Variants in CHN2 observed in about 807,000 individuals in gnomAD.
CHN2 encodes chimerin 2.
Under a neutral mutation model 56.3 loss-of-function variants are expected in CHN2, and 35 were observed. The observed-to-expected ratio is 0.62, with a 90% CI of 0.47 to 0.82. CHN2 has a LOEUF of 0.82. CHN2 is among the 40% of genes least tolerant of loss of function. CHN2 has a pLI of 0.00. For synonymous variants in CHN2, 210 were observed against 212.8 expected (o/e 0.99, Z 0.12); for missense variants, 491 against 580.5 (o/e 0.85, Z 1.58).
Position 29,400,677 on chromosome 7 carries a change from A to T in CHN2, c.425A>T (p.Glu142Val), listed in dbSNP as rs762930046. ...CTGTACATAGAAACAAAAGCTGCCG[A>T]GTACATTTCAAAAATGACAACTAAC... is the stretch of plus-strand genomic sequence containing the variant. ...ITLYIETKAA[E>V]YISKMTTNPI... The change falls in exon 6 of 13, where the codon GAG (glutamate) becomes GTG (valine). Residue 142 changes from glutamate (E) to valine (V), a missense_variant. Transcript: ENST00000222792. 3.7e-6 allele frequency: 6 copies of T among 1,614,214 alleles called. No individual in the cohort carries two copies. The highest frequency in any genetic ancestry group is 5.1e-6 in the Non-Finnish European group (6 of 1,180,038).
intron 1 of CHN2, among the ~76,000 whole-genome samples, chr7:29,348,406 C>T (rs1054784282): frequency 5.9e-5 from 9 of 152,104 alleles, no homozygotes; most frequent in African/African-American, 2.2e-4. Flanking sequence ...TTAACATGTT[C>T]AGATTCTTTA....
At chr7:29,326,495 C>T (rs1441937246) in intron 1 of CHN2, among the ~76,000 whole-genome samples, 1 of 152,188 alleles carries the variant, frequency 6.6e-6, no homozygotes, top group African/African-American at 2.4e-5. Context: ...CCATGGAAGC[C>T]TGGGTAGAGG....
chr7:29,170,768 T>C lies in CHN2; in HGVS notation c.274+23808T>C, dbSNP rs184047770. Among the ~76,000 whole-genome samples, 10 of 152,326 alleles carry C rather than the reference T, an allele frequency of 6.6e-5. No individual in the cohort carries two copies. In the East Asian group the frequency reaches 1.9e-3, roughly 29 times the overall value. On this transcript the variant is annotated intron_variant, in intron 2 of 6. Transcript: ENST00000439384. ...GAAAGAGGTTTAATTGGACTTATAGTTCCATATGGCTGGTGGGGGGGCCTC... is the reference window on the plus strand; with the variant it reads ...GAAAGAGGTTTAATTGGACTTATAGCTCCATATGGCTGGTGGGGGGGCCTC...
chr7:29,370,261 C>T (rs1799502979), intron 3 of CHN2, among the ~76,000 whole-genome samples: 1 of 152,126 alleles, frequency 6.6e-6, no homozygotes, highest in African/African-American at 2.4e-5. Context: ...AACAGTTTTC[C>T]CCTACTACAG....
At chr7:29,471,863 G>A (rs114343648) in intron 6 of CHN2, among the ~76,000 whole-genome samples, 18 of 152,268 alleles carry the variant, frequency 1.2e-4, no homozygotes, top group South Asian at 6.2e-4. Flanking sequence ...CAGGAAAGAC[G>A]GCAGGTCCCA....
intron 1 of CHN2, among the ~76,000 whole-genome samples, chr7:29,246,436 G>A (rs1788082609): frequency 2.0e-5 from 3 of 152,276 alleles, no homozygotes; most frequent in African/African-American, 4.8e-5. Context: ...TTTCCAAGGA[G>A]TGAAGGGTCA....
At chr7:29,465,841 T>TA (rs1457520450) in intron 6 of CHN2, among the ~76,000 whole-genome samples, 1 of 152,146 alleles carries the variant, frequency 6.6e-6, no homozygotes, top group African/African-American at 2.4e-5. Flanking sequence ...AAGACTGAAG[T>TA]AAACAAAAAT....
intron 7 of CHN2, among the ~76,000 whole-genome samples, chr7:29,487,631 TC>T (rs1455248811): frequency 6.6e-6 from 1 of 151,836 alleles, no homozygotes; most frequent in Non-Finnish European, 1.5e-5. Context: ...AGCCAGTTTC[TC>T]CCTCTCTTCC....
At chr7:29,334,251 A>C (rs929581523) in intron 1 of CHN2, among the ~76,000 whole-genome samples, 8 of 151,874 alleles carry the variant, frequency 5.3e-5, no homozygotes, top group Admixed American at 2.6e-4. Context: ...GGGTTTCTTC[A>C]TGTTGGCCAG....
intron 6 of CHN2, among the ~76,000 whole-genome samples, chr7:29,470,212 G>A (rs1280009184): frequency 1.3e-5 from 2 of 152,194 alleles, no homozygotes; most frequent in Non-Finnish European, 2.9e-5. Context: ...GGTAGAGCTA[G>A]TCTTCCCAAA....
intron 1 of CHN2, among the ~76,000 whole-genome samples, chr7:29,237,849 C>G (rs2128807611): frequency 1.3e-5 from 2 of 152,162 alleles, no homozygotes; most frequent in East Asian, 3.9e-4. Flanking sequence ...AAAATTCTAG[C>G]CATGGTGTCA....
At chr7:29,381,340 G>A (rs1381360506) in intron 3 of CHN2, among the ~76,000 whole-genome samples, 1 of 152,168 alleles carries the variant, frequency 6.6e-6, no homozygotes, top group Non-Finnish European at 1.5e-5. Context: ...AGCCAACAGA[G>A]TGCCAGGCTC....
At chr7:29,184,867 C>T (rs1156278118) in intron 2 of CHN2, among the ~76,000 whole-genome samples, 2 of 152,150 alleles carry the variant, frequency 1.3e-5, no homozygotes, top group Non-Finnish European at 2.9e-5. Flanking sequence ...TAATTATTCA[C>T]CCTTTCAATG....
upstream of CHN2, chr7:29,194,676 C>G: frequency 2.7e-6 from 1 of 366,404 alleles, no homozygotes; most frequent in Admixed American, 4.8e-5. Flanking sequence ...CGGCCTCCCT[C>G]TGCTCCCACC....
chr7:29,234,766 T>C (rs943668776), intron 1 of CHN2, among the ~76,000 whole-genome samples: 3 of 152,236 alleles, frequency 2.0e-5, no homozygotes, highest in Non-Finnish European at 4.4e-5. Context: ...AAGAAAGATT[T>C]TGCATCATTA....
At chr7:29,364,236 C>T (rs568689892) in intron 2 of CHN2, among the ~76,000 whole-genome samples, 2 of 152,358 alleles carry the variant, frequency 1.3e-5, no homozygotes, top group African/African-American at 4.8e-5. Flanking sequence ...TTCTCCCAGA[C>T]TCTCCATTCA....
intron 5 of CHN2, among the ~76,000 whole-genome samples, chr7:29,399,881 G>A (rs1000544882): frequency 3.6e-4 from 55 of 152,298 alleles, no homozygotes; most frequent in Middle Eastern, 3.4e-3. Flanking sequence ...CAGTTGTAGT[G>A]GGGAGTCAAG....
In CHN2 at chr7:29,198,118, A is replaced by G. The variant is rs996779030; in HGVS notation, c.49+3128A>G. On this transcript the variant is annotated intron_variant, in intron 1 of 12. Coordinates refer to ENST00000222792, the MANE Select transcript of CHN2 (RefSeq NM_004067.4). The stretch of plus-strand genomic sequence containing the variant: ...TAGGAGGTTTTCTTTCTGTTCAGGT[A>G]GCAGTGGGTTTGATGGAACAGCTCT... The G allele has an allele frequency of 6.7e-5, 30 of 448,986 alleles. 1 individual carries two copies. Among genetic ancestry groups the G allele is most frequent in the Non-Finnish European group, 1.3e-4 (29 of 223,436 alleles). 27.8% of individuals were successfully genotyped at this position (448,986 alleles called of 1,614,324 possible). A position where few individuals can be genotyped will look rare whatever the true frequency, so the allele number is the denominator to read the frequency against.
chr7:29,269,767 G>A (rs1790464732), intron 1 of CHN2, among the ~76,000 whole-genome samples: 1 of 152,230 alleles, frequency 6.6e-6, no homozygotes, highest in African/African-American at 2.4e-5. Context: ...GAGGATGTCA[G>A]GCAAACAGAG....
Sources: allele counts gnomAD v4.1 joint callset (sites outside exome capture counted in the v4.1 genomes callset), GRCh38; gene constraint gnomAD v4.1.1; transcripts MANE v1.5; gene names NCBI Gene and HGNC (gene_info 2026-07-23, HGNC 2026-07-21).